The following ANK2 variants were observed in gnomAD, a reference collection of about 807,000 sequenced individuals.
ANK2 encodes the protein ankyrin 2.
A neutral mutation model predicts 360.5 loss-of-function variants in ANK2; 83 were observed. The ratio of observed to expected loss-of-function variants is 0.23; its 90% CI spans 0.19 to 0.28. The LOEUF is 0.28. ANK2 is among the 10% of genes least tolerant of loss of function. ANK2 has a pLI of 1.00. For missense variants in ANK2, 4,201 were observed against 4,795.7 expected, an observed-to-expected ratio of 0.88 and a Z score of 3.66; for synonymous variants, 1,740 against 1,759.5, an observed-to-expected ratio of 0.99 and a Z score of 0.28.
intron 2 of ANK2, among the ~76,000 whole-genome samples, chr4:113,013,645 C>T (rs1315720509): frequency 6.6e-6 from 1 of 152,072 alleles, no homozygotes; most frequent in Admixed American, 6.5e-5. Flanking sequence ...TATGTGTTTC[C>T]TTGGCAGTGG....
the ANK2 span, among the ~76,000 whole-genome samples, chr4:112,721,634 T>C: frequency 6.6e-6 from 1 of 151,242 alleles, no homozygotes; most frequent in Non-Finnish European, 1.5e-5. Context: ...AGCTTCCAAT[T>C]TGGAGTGTGG....
intron 2 of ANK2, among the ~76,000 whole-genome samples, chr4:112,957,007 GTTTTTTTTTTTTT>G (rs56066718): frequency 1.5e-5 from 1 of 66,484 alleles, no homozygotes; most frequent in African/African-American, 6.0e-5. Flanking sequence ...TATTGCTCTT[GTTTTTTTTTTTTT>G]TTTTTTTTTT....
chr4:112,951,921 A>G (rs1297995412), intron 2 of ANK2, among the ~76,000 whole-genome samples: 1 of 152,242 alleles, frequency 6.6e-6, no homozygotes, highest in Non-Finnish European at 1.5e-5. Context: ...CAGTTCAACC[A>G]TGATTTGACA....
At chr4:113,247,638 A>G (rs2043734137) in intron 9 of ANK2, among the ~76,000 whole-genome samples, 1 of 152,198 alleles carries the variant, frequency 6.6e-6, no homozygotes, top group African/African-American at 2.4e-5. Flanking sequence ...CTTTCAAACA[A>G]GGCTTGCAAG....
At chr4:113,300,923 A>G (rs757196388) in intron 22 of ANK2, among the ~76,000 whole-genome samples, 24 of 152,222 alleles carry the variant, frequency 1.6e-4, no homozygotes, top group Non-Finnish European at 8.8e-5. Context: ...CACAGATCTT[A>G]TATATGTATA....
chr4:113,229,624 G>A (rs773268463), intron 4 of ANK2, among the ~76,000 whole-genome samples: 1 of 152,182 alleles, frequency 6.6e-6, no homozygotes, highest in Non-Finnish European at 1.5e-5. Flanking sequence ...AGAAGTGTGA[G>A]TGAGCACTGG....
intron 2 of ANK2, among the ~76,000 whole-genome samples, chr4:113,029,026 C>T (rs989844547): frequency 6.6e-6 from 1 of 151,980 alleles, no homozygotes; most frequent in African/African-American, 2.4e-5. Flanking sequence ...TTCTAAAGAC[C>T]TGATCATATC....
In ANK2 at chr4:113,240,599, G is replaced by A; in HGVS notation, c.792+16G>A. The A allele has an allele frequency of 1.3e-6, 2 of 1,584,984 alleles. No individual in the cohort carries two copies. The highest frequency in any genetic ancestry group is 1.3e-5 in the African/African-American group (1 of 74,384). On this transcript the variant is annotated intron_variant, in intron 8 of 45. Transcript: ENST00000357077. ...CACAGCCAGGGTATGGATTGAAATA[G>A]TTTCTCATTCTAGATAGCAGTAAAT...
chr4:113,319,538 T>G (rs1355054402), intron 26 of ANK2, among the ~76,000 whole-genome samples: 1 of 151,860 alleles, frequency 6.6e-6, no homozygotes, highest in Non-Finnish European at 1.5e-5. Context: ...AGATCCTTTC[T>G]TATTTTTATT....
chr4:112,967,940 C>G (rs2037962607), intron 2 of ANK2, among the ~76,000 whole-genome samples: 1 of 152,136 alleles, frequency 6.6e-6, no homozygotes, highest in Non-Finnish European at 1.5e-5. Context: ...CTGATTGACC[C>G]ATTTCATATA....
chr4:112,711,439 C>A, the ANK2 span, among the ~76,000 whole-genome samples: 9 of 152,136 alleles, frequency 5.9e-5, no homozygotes, highest in Admixed American at 1.3e-4. Context: ...GGGATGATTG[C>A]TTGAGCCGGG....
At chr4:112,859,321 A>G (rs553329521) in intron 1 of ANK2, among the ~76,000 whole-genome samples, 91 of 152,350 alleles carry the variant, frequency 6.0e-4, no homozygotes, top group African/African-American at 2.1e-3. Flanking sequence ...CACTTTCTCA[A>G]TTAATTGTAT....
In ANK2 at chr4:113,353,590, G is replaced by T; in HGVS notation, c.4972G>T (p.Val1658Phe). 2 of 1,614,076 alleles carry T rather than the reference G, an allele frequency of 1.2e-6. No individual in the cohort carries two copies. The highest frequency in any genetic ancestry group is 1.7e-6 in the Non-Finnish European group (2 of 1,179,974). The change falls in exon 38 of 46, where the codon GTT (valine) becomes TTT (phenylalanine). Residue 1658 changes from valine (V) to phenylalanine (F), a missense_variant. Transcript: ENST00000357077. Reference sequence around the variant, plus strand: ...TCTTCCCAAAGAGCAGCTGCAGACAGTTCAAGATAAGGCAGGGAAGAAATG... The same window carrying T: ...TCTTCCCAAAGAGCAGCTGCAGACATTTCAAGATAAGGCAGGGAAGAAATG... ...VPLPKEQLQT[V>F]QDKAGKKCEA...
At chr4:113,050,199 G>A (rs2066308867) in intron 1 of ANK2, among the ~76,000 whole-genome samples, 1 of 151,338 alleles carries the variant, frequency 6.6e-6, no homozygotes, top group Non-Finnish European at 1.5e-5. Context: ...CAGATTTTTG[G>A]CCAGATGCGT....
rs751543821 is a variant in ANK2 at position 113,356,791 on chromosome 4, G to C, written c.8173G>C (p.Asp2725His). The C allele has an allele frequency of 1.2e-6, 2 of 1,614,076 alleles. No homozygotes were observed. Among genetic ancestry groups the C allele is most frequent in the South Asian group, 2.2e-5 (2 of 91,080 alleles). ...SKQYTFKMNE[D>H]TQEEPGKSEE... ...ACAATATACTTTCAAGATGAATGAA[G>C]ATACTCAGGAAGAGCCAGGCAAATC... is the stretch of plus-strand genomic sequence containing the variant. Residue 2725 changes from aspartate to histidine, a missense_variant, in exon 38 of 46, where the codon GAT (aspartate) becomes CAT (histidine). Asp to His is a moderately conservative substitution (Grantham distance 81). Around this residue, in one of 4 missense-constraint regions of ANK2, gnomAD observed 2,642 missense variants for 2,714.5 expected, o/e 0.97. Transcript: ENST00000357077.
At chr4:113,114,833 G>T (rs551470178) in intron 1 of ANK2, among the ~76,000 whole-genome samples, 5 of 152,228 alleles carry the variant, frequency 3.3e-5, no homozygotes, top group South Asian at 2.1e-4. Flanking sequence ...AGATTCTAAA[G>T]GGGCAGTGGA....
At chr4:112,850,751 C>T (rs111252987) in intron 1 of ANK2, among the ~76,000 whole-genome samples, 3,531 of 151,438 alleles carry the variant, frequency 0.023, 124 homozygotes, top group African/African-American at 0.08. Flanking sequence ...CTCCTGACCT[C>T]GTGATCCGCC....
intron 1 of ANK2, among the ~76,000 whole-genome samples, chr4:112,881,502 G>A (rs2076680597): frequency 6.6e-6 from 1 of 152,152 alleles, no homozygotes; most frequent in Admixed American, 6.5e-5. Flanking sequence ...GATATTCAAA[G>A]TCCTTTTTTT....
chr4:112,973,944 A>T (rs1214753563), intron 2 of ANK2, among the ~76,000 whole-genome samples: 3 of 152,250 alleles, frequency 2.0e-5, no homozygotes, highest in Non-Finnish European at 4.4e-5. Context: ...CACACTAAAA[A>T]GCAAGTCATT....
Sources: gnomAD v4.1 joint callset for allele counts (sites outside exome capture counted in the v4.1 genomes callset) on GRCh38, gnomAD v4.1.1 for gene constraint, gnomAD v4.1.1 regional missense constraint, MANE v1.5 for transcripts, NCBI Gene and HGNC (gene_info 2026-07-23, HGNC 2026-07-21) for gene names.